Variants in DLG2 observed in about 807,000 individuals in gnomAD.
DLG2 encodes discs large MAGUK scaffold protein 2, also known as disks large homolog 2.
DLG2 carries 45 observed loss-of-function variants against 132.5 expected under a neutral mutation model. That is an observed-to-expected ratio of 0.34 (90% confidence interval 0.27 to 0.44). The LOEUF is 0.44. DLG2 is among the 20% of genes least tolerant of loss of function. The pLI, the probability that DLG2 is intolerant of heterozygous loss-of-function variation, is 1.00. For synonymous variants in DLG2, 424 were observed against 419.6 expected (o/e 1.01, Z -0.13); for missense variants, 1,045 against 1,196.9 (o/e 0.87, Z 1.87).
intron 7 of DLG2, among the ~76,000 whole-genome samples, chr11:84,419,190 A>G (rs1250949686): frequency 2.6e-5 from 4 of 152,186 alleles, no homozygotes; most frequent in African/African-American, 9.7e-5. Context: ...GAGATATTAT[A>G]TATTACTCAA....
chr11:85,061,934 C>T (rs374262952), intron 6 of DLG2, among the ~76,000 whole-genome samples: 1 of 151,800 alleles, frequency 6.6e-6, no homozygotes. Flanking sequence ...TCCTAACATA[C>T]CATGTGACTC....
intron 20 of DLG2, among the ~76,000 whole-genome samples, chr11:83,535,282 G>A (rs2095853651): frequency 6.6e-6 from 1 of 152,166 alleles, no homozygotes; most frequent in Admixed American, 6.5e-5. Context: ...ATGCCAAAAT[G>A]GCTGTAGTAT....
chr11:84,481,278 T>G (rs1397588643), intron 7 of DLG2, among the ~76,000 whole-genome samples: 1 of 152,158 alleles, frequency 6.6e-6, no homozygotes, highest in Non-Finnish European at 1.5e-5. Context: ...CACCATATCA[T>G]GTTTATCTTG....
chr11:84,132,446 T>A (rs182589483), intron 9 of DLG2, among the ~76,000 whole-genome samples: 79 of 152,082 alleles, frequency 5.2e-4, no homozygotes, highest in African/African-American at 1.8e-3. Flanking sequence ...ACCTTCTCAG[T>A]TGGCAATGAT....
At chr11:85,271,413 TG>T (rs1434529383) in intron 4 of DLG2, among the ~76,000 whole-genome samples, 1 of 152,200 alleles carries the variant, frequency 6.6e-6, no homozygotes, top group Non-Finnish European at 1.5e-5. Context: ...AAGGGAAATG[TG>T]GGGTGGGTGC....
chr11:85,611,356 A>G (rs536665), intron 2 of DLG2, among the ~76,000 whole-genome samples: 20,070 of 152,048 alleles, frequency 0.13, 1,829 homozygotes, highest in Non-Finnish European at 0.2. Context: ...ACCAGGCACT[A>G]CTCCTTGAAG....
Position 83,871,016 on chromosome 11 carries a change from C to T in DLG2, c.1565+3404G>A, listed in dbSNP as rs927854440. Among the ~76,000 whole-genome samples, 11 of 152,226 alleles carry T rather than the reference C, an allele frequency of 7.2e-5. 1 individual carries two copies. The highest frequency in any genetic ancestry group is 6.2e-4 in the South Asian group (3 of 4,816). ...AGGCTGAGATTACTTTGTTTTTCACCGATCAATACCCTTCAATCAGCTTTC... is the reference window on the plus strand; with the variant it reads ...AGGCTGAGATTACTTTGTTTTTCACTGATCAATACCCTTCAATCAGCTTTC... On this transcript the variant is annotated intron_variant, in intron 16 of 27. Transcript: ENST00000376104.
chr11:84,574,188 C>T (rs745678190), intron 6 of DLG2, among the ~76,000 whole-genome samples: 2 of 151,916 alleles, frequency 1.3e-5, no homozygotes, highest in African/African-American at 2.4e-5. Context: ...CTGGGATTCA[C>T]GAAAAGGCAG....
chr11:85,297,479 T>C (rs903003385), intron 3 of DLG2, among the ~76,000 whole-genome samples: 2 of 152,214 alleles, frequency 1.3e-5, no homozygotes, highest in African/African-American at 4.8e-5. Flanking sequence ...CCATTCTGCC[T>C]GTTTCCAGAC....
In DLG2 at chr11:84,706,566, G is replaced by T. The variant is rs2059802594; in HGVS notation, c.358-171835C>A. ...AAACCATCATCTATGAAATACATCAGGTCCTGAACATTAACACGCTGGTAC... is the reference window on the plus strand; with the variant it reads ...AAACCATCATCTATGAAATACATCATGTCCTGAACATTAACACGCTGGTAC... On this transcript the variant is annotated intron_variant, in intron 6 of 27. Transcript: ENST00000376104. 2.0e-5 allele frequency among the ~76,000 whole-genome samples: 3 copies of T among 151,774 alleles called. No homozygotes were observed. The South Asian group carries it at 6.2e-4, about 31-fold the overall frequency.
chr11:83,964,164 C>T (rs1433982242), intron 13 of DLG2, among the ~76,000 whole-genome samples: 3 of 151,900 alleles, frequency 2.0e-5, no homozygotes. Context: ...TTATTAGAGT[C>T]GTTTTCTCCC....
intron 7 of DLG2, among the ~76,000 whole-genome samples, chr11:84,501,367 C>G (rs1356617100): frequency 1.3e-5 from 2 of 152,262 alleles, no homozygotes; most frequent in South Asian, 4.1e-4. Context: ...TAGTTCGAGA[C>G]CAGCCTGGCC....
intron 8 of DLG2, among the ~76,000 whole-genome samples, chr11:84,242,235 A>G (rs2097238886): frequency 6.6e-6 from 1 of 152,204 alleles, no homozygotes; most frequent in African/African-American, 2.4e-5. Context: ...GCTTCCCAGT[A>G]AATGAGAAGC....
intron 18 of DLG2, chr11:83,652,049 T>C (rs940251924): frequency 1.0e-5 from 3 of 294,174 alleles, no homozygotes; most frequent in Non-Finnish European, 2.1e-5. Context: ...AGAGAAAAAA[T>C]TATGCTCTTT....
chr11:85,547,411 G>T (rs1176370806), intron 3 of DLG2, among the ~76,000 whole-genome samples: 1 of 152,142 alleles, frequency 6.6e-6, no homozygotes, highest in African/African-American at 2.4e-5. Flanking sequence ...CTCTCTGGCT[G>T]CTCTTAACAT....
chr11:85,111,714 C>T lies in DLG2; in HGVS notation c.304G>A (p.Ala102Thr), dbSNP rs144805693. 1.9e-6 allele frequency: 3 copies of T among 1,560,524 alleles called. No individual in the cohort carries two copies. The African/African-American group carries it at 4.1e-5, about 21-fold the overall frequency. Residue 102 changes from alanine (A) to threonine (T), a missense_variant, in exon 6 of 28, where the codon GCC becomes ACC. By Grantham distance (58) the Ala-to-Thr change is moderately conservative. Transcript: ENST00000376104. ...GGGGCTTCCACTGAACAATTCTGGGCTGGGCATCTGCCTTGGTTTTGCTGC... is the reference window on the plus strand; with the variant it reads ...GGGGCTTCCACTGAACAATTCTGGGTTGGGCATCTGCCTTGGTTTTGCTGC... ...TTTQNQGRCP[A>T]QNCSVEAPAW...
intron 3 of DLG2, among the ~76,000 whole-genome samples, chr11:85,364,086 G>C (rs2084359981): frequency 6.6e-6 from 1 of 152,044 alleles, no homozygotes; most frequent in South Asian, 2.1e-4. Flanking sequence ...TTATAACAAG[G>C]TTCTTTCATT....
At chr11:84,472,808 T>C (rs568613810) in intron 7 of DLG2, among the ~76,000 whole-genome samples, 48 of 152,130 alleles carry the variant, frequency 3.2e-4, no homozygotes, top group African/African-American at 1.1e-3. Flanking sequence ...TTTATAGATA[T>C]ATATACTTCT....
At chr11:84,757,070 T>C (rs2066981366) in intron 6 of DLG2, among the ~76,000 whole-genome samples, 2 of 152,308 alleles carry the variant, frequency 1.3e-5, no homozygotes, top group East Asian at 1.9e-4. Flanking sequence ...TTATGCTTGT[T>C]AGGTAACAAT....
Sources: gnomAD v4.1 joint callset for allele counts (sites outside exome capture counted in the v4.1 genomes callset) on GRCh38, gnomAD v4.1.1 for gene constraint, MANE v1.5 for transcripts, NCBI Gene and HGNC (gene_info 2026-07-23, HGNC 2026-07-21) for gene names.